Variants in TRAK2 observed in about 807,000 individuals in gnomAD.
The protein encoded by TRAK2 is trafficking kinesin-binding protein 2.
Under a neutral mutation model 104.6 loss-of-function variants are expected in TRAK2, and 81 were observed. That is an observed-to-expected ratio of 0.77 (90% CI 0.65 to 0.93). The LOEUF is 0.93. Ranked by LOEUF, TRAK2 falls within the 40% of genes least tolerant of loss-of-function variation. The probability of loss-of-function intolerance (pLI) is 0.00; values close to 1 mark genes in which losing one functional copy is unlikely to be tolerated. For synonymous variants in TRAK2, 406 were observed against 394.4 expected, an observed-to-expected ratio of 1.03 and a Z score of -0.35; for missense variants, 1,002 against 1,089.0, an observed-to-expected ratio of 0.92 and a Z score of 1.12.
At chr2:201,412,479 G>A (rs1951656286) in intron 2 of TRAK2, 1 of 1,153,688 alleles carries the variant, frequency 8.7e-7, no homozygotes, top group South Asian at 1.3e-5. Flanking sequence ...ACTGCCTACT[G>A]AAACTCTTAT....
chr2:201,392,395 T>C (rs902955105), intron 10 of TRAK2, among the ~76,000 whole-genome samples: 2 of 152,194 alleles, frequency 1.3e-5, no homozygotes, highest in African/African-American at 4.8e-5. Context: ...AACAACTCTT[T>C]GAACCAACAT....
At chr2:201,412,821 T>C in intron 2 of TRAK2, 2 of 943,730 alleles carry the variant, frequency 2.1e-6, no homozygotes, top group South Asian at 2.7e-5. Context: ...AGAATGACAA[T>C]CCTTTAGAAA....
chr2:201,441,769 G>A (rs1951926177), intron 1 of TRAK2, among the ~76,000 whole-genome samples: 1 of 149,858 alleles, frequency 6.7e-6, no homozygotes, highest in African/African-American at 2.5e-5. Context: ...TCAGCTCACT[G>A]CAACCTCCGT....
At chr2:201,424,345 T>C (rs543703895) in intron 1 of TRAK2, among the ~76,000 whole-genome samples, 1 of 152,178 alleles carries the variant, frequency 6.6e-6, no homozygotes, top group South Asian at 2.1e-4. Flanking sequence ...ATTCTAACAC[T>C]CCAAAGACCT....
intron 2 of TRAK2, among the ~76,000 whole-genome samples, chr2:201,414,552 C>T (rs1167901585): frequency 7.2e-5 from 11 of 152,112 alleles, no homozygotes; most frequent in Admixed American, 4.6e-4. Context: ...ATCAGACATC[C>T]CTATTCACCC....
chr2:201,386,196 T>A (rs747799742), intron 14 of TRAK2, 22 bp downstream of exon 14: 1 of 1,613,156 alleles, frequency 6.2e-7, no homozygotes, highest in Admixed American at 1.7e-5. Flanking sequence ...TTATACCATA[T>A]TCAACCAGAC....
At chr2:201,400,276 G>C (rs1161938946) in intron 4 of TRAK2, among the ~76,000 whole-genome samples, 1 of 151,948 alleles carries the variant, frequency 6.6e-6, no homozygotes. Flanking sequence ...TATTCTATAG[G>C]ATAGAAAACT....
At chr2:201,385,453 GGT>G (rs1951380319) in intron 14 of TRAK2, among the ~76,000 whole-genome samples, 1 of 151,918 alleles carries the variant, frequency 6.6e-6, no homozygotes, top group Admixed American at 6.6e-5. Flanking sequence ...TGGGATTACA[GGT>G]GTGAGCTACC....
chr2:201,389,772 G>T, intron 11 of TRAK2, 29 bp downstream of exon 11: 2 of 1,544,980 alleles, frequency 1.3e-6, no homozygotes, highest in South Asian at 1.2e-5. Context: ...TCCAATGATT[G>T]AGTAACAACA....
At chr2:201,407,665 G>C in intron 2 of TRAK2, 68 bp from the exon 3 acceptor site, 1 of 1,409,474 alleles carries the variant, frequency 7.1e-7, no homozygotes, top group Admixed American at 2.4e-5. Flanking sequence ...AGAGAAAATT[G>C]ATGAAAATTA....
chr2:201,401,199 C>T, intron 3 of TRAK2, 105 bp from the exon 4 acceptor site: 5 of 626,762 alleles, frequency 8.0e-6, no homozygotes, highest in Non-Finnish European at 1.3e-5. Context: ...CAGCCTTTTA[C>T]AAAAAGTCAT....
intron 1 of TRAK2, among the ~76,000 whole-genome samples, chr2:201,448,989 G>T (rs936289995): frequency 6.6e-6 from 1 of 152,160 alleles, no homozygotes; most frequent in Non-Finnish European, 1.5e-5. Flanking sequence ...ACCCAGCAGG[G>T]TCATATTTTT....
rs184033625 is a variant in TRAK2 at position 201,435,775 on chromosome 2, A to G, written c.-199-15069T>C. 3.9e-5 allele frequency among the ~76,000 whole-genome samples: 6 copies of G among 152,312 alleles called. No homozygotes were observed. In the East Asian group the frequency reaches 1.2e-3, roughly 29 times the overall value. ...GGTAAGGCCTCATAGCATCAAAAAG[A>G]AGGCTAAACTGCTCTGCAAGAGACA... On this transcript the variant is annotated intron_variant, in intron 1 of 15. Coordinates refer to ENST00000332624, the MANE Select transcript of TRAK2 (RefSeq NM_015049.3).
intron 4 of TRAK2, among the ~76,000 whole-genome samples, 162 bp downstream of exon 4, chr2:201,400,856 A>G (rs1951544530): frequency 6.6e-6 from 1 of 152,142 alleles, no homozygotes; most frequent in Non-Finnish European, 1.5e-5. Flanking sequence ...AAACTTTAGG[A>G]AACATTCTAC....
intron 2 of TRAK2, chr2:201,411,693 A>T: frequency 1.3e-6 from 1 of 781,254 alleles, no homozygotes; most frequent in Admixed American, 1.7e-5. Flanking sequence ...TAAAATACCC[A>T]TGAGGACTGC....
At chr2:201,448,479 GATA>G (rs939357346) in intron 1 of TRAK2, among the ~76,000 whole-genome samples, 3 of 152,312 alleles carry the variant, frequency 2.0e-5, no homozygotes, top group East Asian at 3.9e-4. Context: ...GATCTGAACA[GATA>G]ATGACTCAAC....
chr2:201,383,284 G>C (rs1951359301), intron 15 of TRAK2, among the ~76,000 whole-genome samples: 1 of 152,208 alleles, frequency 6.6e-6, no homozygotes. Context: ...CTAGAGTGGA[G>C]GCTGATCACA....
At chr2:201,449,350 C>T (rs935681477) in intron 1 of TRAK2, among the ~76,000 whole-genome samples, 17 of 152,124 alleles carry the variant, frequency 1.1e-4, no homozygotes, top group African/African-American at 3.1e-4. Context: ...TTAAATCTCC[C>T]CTTGTTACAT....
At chr2:201,412,494 G>T in intron 2 of TRAK2, 1 of 1,154,870 alleles carries the variant, frequency 8.7e-7, no homozygotes, top group Non-Finnish European at 1.3e-6. Context: ...TCTTATAAAT[G>T]TCTTGCTTAT....
Sources: gnomAD v4.1 joint callset for allele counts (sites outside exome capture counted in the v4.1 genomes callset) on GRCh38, gnomAD v4.1.1 for gene constraint, MANE v1.5 for transcripts, NCBI Gene and HGNC (gene_info 2026-07-23, HGNC 2026-07-21) for gene names.